The following OR2T6 variants were observed in gnomAD, a reference collection of about 807,000 sequenced individuals.
OR2T6 encodes the protein olfactory receptor 2T6.
For synonymous variants in OR2T6, 174 were observed against 148.0 expected (o/e 1.18, Z -1.27); for missense variants, 424 against 391.6 (o/e 1.08, Z -0.70).
chr1:248,388,370 T>C lies in OR2T6; in HGVS notation c.762T>C (p.Ala254=), dbSNP rs1489627912. ...TGGTGGTGACATTGTTCTATGGGGC[T>C]GCCTTGTATACGTATACGCTTCCCC... ...HMMVVTLFYG[A]ALYTYTLPQS... The change falls in exon 3 of 3, where the codon GCT becomes GCC. Residue 254 remains alanine (A), a synonymous_variant. Coordinates refer to ENST00000641644, the MANE Select transcript of OR2T6 (RefSeq NM_001005471.2). 2.4e-5 allele frequency: 38 copies of C among 1,613,508 alleles called. No individual in the cohort carries two copies. The highest frequency in any genetic ancestry group is 5.0e-5 in the Admixed American group (3 of 59,986).
In OR2T6 at chr1:248,387,596, C is replaced by G. The variant is rs1661155827; in HGVS notation, c.-4-9C>G. On this transcript the variant is annotated splice_polypyrimidine_tract_variant and intron_variant, in intron 2 of 2. Transcript: ENST00000641644. The stretch of plus-strand genomic sequence containing the variant: ...TGCTTCTCTTCTTATGCCTCCATTT[C>G]AAACTCAGTACCATGAATGAAAACA... The G allele has an allele frequency of 1.3e-6, 2 of 1,522,942 alleles. No individual in the cohort carries two copies. The highest frequency in any genetic ancestry group is 1.8e-6 in the Non-Finnish European group (2 of 1,123,300). 94.3% of individuals were successfully genotyped at this position (1,522,942 alleles called of 1,614,324 possible). A position where few individuals can be genotyped will look rare whatever the true frequency, so the allele number is the denominator to read the frequency against.
Position 248,387,972 on chromosome 1 carries a change from C to T in OR2T6, c.364C>T (p.Arg122Cys), listed in dbSNP as rs199789023. The stretch of plus-strand genomic sequence containing the variant: ...CCTGCTGGGGCTCATGGCCTATGAC[C>T]GCTACGTGGCCATCTGCAACCCACT... ...FFLLGLMAYD[R>C]YVAICNPLRY... is the part of the protein sequence containing the mutation. The change falls in exon 3 of 3, where the codon CGC becomes TGC. Residue 122 changes from arginine (R) to cysteine (C), a missense_variant. Transcript: ENST00000641644. 169 of 1,608,778 alleles carry T rather than the reference C, an allele frequency of 1.1e-4. 2 individuals are homozygous for T. Among genetic ancestry groups the T allele is most frequent in the South Asian group, 5.8e-4 (52 of 89,918 alleles).
chr1:248,388,884 T>C lies in OR2T6; in HGVS notation c.*349T>C, dbSNP rs1047533516. 3.4e-5 allele frequency: 9 copies of C among 266,548 alleles called. No homozygotes were observed. Among genetic ancestry groups the C allele is most frequent in the Non-Finnish European group, 6.4e-5 (9 of 141,490 alleles). The allele number at this position is 266,548 out of a possible 1,614,324, so 16.5% of individuals were successfully genotyped here. A position where few individuals can be genotyped will look rare whatever the true frequency, so the allele number is the denominator to read the frequency against. ...ACATATTCTGCCCATTTTCAATGGC[T>C]CCATAAGAACTGGTGATTTTGACTA... On this transcript the variant is annotated 3_prime_UTR_variant, in exon 3 of 3. Transcript: ENST00000641644.
Position 248,388,087 on chromosome 1 carries a change from C to G in OR2T6, c.479C>G (p.Thr160Ser). Residue 160 changes from threonine (T) to serine (S), a missense_variant, in exon 3 of 3, where the codon ACC (threonine) becomes AGC (serine). Transcript: ENST00000641644. Reference sequence around the variant, plus strand: ...GGGGCTTTGGACAGTTTTCTCCTCACCCCCATTACCATGAGTCTCCCGTTC... The same window carrying G: ...GGGGCTTTGGACAGTTTTCTCCTCAGCCCCATTACCATGAGTCTCCCGTTC... ...FGGALDSFLL[T>S]PITMSLPFCA... 6.2e-7 allele frequency: 1 copy of G among 1,614,028 alleles called. No homozygotes were observed. Among genetic ancestry groups the G allele is most frequent in the Non-Finnish European group, 8.5e-7 (1 of 1,180,010 alleles).
At chr1:248,378,376 T>C (rs1408493553) in intron 1 of OR2T6, among the ~76,000 whole-genome samples, 1 of 152,188 alleles carries the variant, frequency 6.6e-6, no homozygotes, top group African/African-American at 2.4e-5. Context: ...TAAAGAAATG[T>C]ATTTATTTCT....
chr1:248,378,738 T>G (rs1420735016), intron 1 of OR2T6, among the ~76,000 whole-genome samples: 2 of 152,248 alleles, frequency 1.3e-5, no homozygotes, highest in Non-Finnish European at 2.9e-5. Flanking sequence ...CAGATCAAAT[T>G]TATAATCATT....
At chr1:248,382,732 C>A (rs547266839) in intron 1 of OR2T6, among the ~76,000 whole-genome samples, 93 of 152,126 alleles carry the variant, frequency 6.1e-4, no homozygotes, top group African/African-American at 2.2e-3. Context: ...CCATGTTGGC[C>A]AGGCTGGTCT....
rs773197375 is a variant in OR2T6, at chr1:248,382,532, C to CT, written c.-158-2176dup. Reference sequence around the variant, plus strand: ...CAATACTCCATGTCTACCTTTCTTTCTTTCTTTTTTTTTTTTTTTAGATGG... The same window carrying CT: ...CAATACTCCATGTCTACCTTTCTTTCTTTTCTTTTTTTTTTTTTTTAGATGG... On this transcript the variant is annotated intron_variant, in intron 1 of 2. Transcript: ENST00000641644. 1.4e-4 allele frequency among the ~76,000 whole-genome samples: 16 copies of CT among 117,290 alleles called. 3 individuals are homozygous for CT. The highest frequency in any genetic ancestry group is 4.8e-4 in the East Asian group (2 of 4,194). 76.9% of individuals were successfully genotyped at this position (117,290 alleles called of 152,430 possible).
intron 1 of OR2T6, among the ~76,000 whole-genome samples, chr1:248,379,074 C>T (rs975158398): frequency 2.6e-5 from 4 of 152,092 alleles, no homozygotes; most frequent in African/African-American, 9.7e-5. Context: ...ACGCAGGAGG[C>T]TGAGGTAGGA....
chr1:248,387,999 C>A lies in OR2T6; in HGVS notation c.391C>A (p.Arg131Ser). Reference protein sequence around the residue: ...DRYVAICNPLRYPVLISWRVC... With the variant: ...DRYVAICNPLSYPVLISWRVC... ...CTACGTGGCCATCTGCAACCCACTG[C>A]GCTATCCTGTCCTCATCAGCTGGCG... The change falls in exon 3 of 3, where the codon CGC becomes AGC. Residue 131 changes from arginine (R) to serine (S), a missense_variant. By Grantham distance (110) the Arg-to-Ser change is moderately radical (BLOSUM62 -1). Coordinates refer to ENST00000641644, the MANE Select transcript of OR2T6 (RefSeq NM_001005471.2). 6.2e-7 allele frequency: 1 copy of A among 1,612,070 alleles called. No homozygotes were observed.
chr1:248,378,324 C>A (rs191904517), intron 1 of OR2T6, among the ~76,000 whole-genome samples: 180 of 152,248 alleles, frequency 1.2e-3, no homozygotes, highest in African/African-American at 4.1e-3. Flanking sequence ...AAACAACATA[C>A]CTTTTCATTA....
intron 1 of OR2T6, among the ~76,000 whole-genome samples, chr1:248,381,438 A>G (rs1317309028): frequency 2.6e-5 from 4 of 152,122 alleles, no homozygotes; most frequent in Non-Finnish European, 5.9e-5. Flanking sequence ...GCTCCTAGAA[A>G]AATGTCTAGT....
At chr1:248,378,333 TAA>T (rs1660972778) in intron 1 of OR2T6, among the ~76,000 whole-genome samples, 1 of 152,200 alleles carries the variant, frequency 6.6e-6, no homozygotes, top group Non-Finnish European at 1.5e-5. Flanking sequence ...ACCTTTTCAT[TAA>T]AGAGACTCAA....
rs777182519 is a variant in OR2T6, at chr1:248,388,361, C to T, written c.753C>T (p.Phe251=). 6.2e-7 allele frequency: 1 copy of T among 1,613,474 alleles called. No homozygotes were observed. The highest frequency in any genetic ancestry group is 8.5e-7 in the Non-Finnish European group (1 of 1,179,626). The change falls in exon 3 of 3, where the codon TTC becomes TTT. Residue 251 remains phenylalanine, a synonymous_variant. Coordinates refer to ENST00000641644, the MANE Select transcript of OR2T6 (RefSeq NM_001005471.2). ...CACACATGATGGTGGTGACATTGTT[C>T]TATGGGGCTGCCTTGTATACGTATA... ...CSSHMMVVTL[F]YGAALYTYTL...
intron 1 of OR2T6, among the ~76,000 whole-genome samples, chr1:248,377,865 T>C (rs1385441747): frequency 6.6e-6 from 1 of 152,208 alleles, no homozygotes; most frequent in Non-Finnish European, 1.5e-5. Flanking sequence ...CCAGGCTGAC[T>C]ACACGTGATT....
chr1:248,386,370 C>T (rs569760238), intron 2 of OR2T6, among the ~76,000 whole-genome samples: 14 of 152,094 alleles, frequency 9.2e-5, no homozygotes, highest in South Asian at 2.1e-4. Context: ...CCAAGGCTTA[C>T]GACTGACCAA....
At chr1:248,386,158 T>G (rs1572870030) in intron 2 of OR2T6, among the ~76,000 whole-genome samples, 1 of 152,158 alleles carries the variant, frequency 6.6e-6, no homozygotes, top group Non-Finnish European at 1.5e-5. Context: ...AACACCTGAG[T>G]GCACACAGAA....
intron 2 of OR2T6, among the ~76,000 whole-genome samples, chr1:248,387,325 G>C (rs1354242847): frequency 2.0e-5 from 3 of 152,138 alleles, no homozygotes; most frequent in African/African-American, 7.2e-5. Flanking sequence ...CTAGGGCCCA[G>C]ATTTTCTTCA....
intron 1 of OR2T6, among the ~76,000 whole-genome samples, chr1:248,382,831 A>G (rs1424645049): frequency 6.6e-6 from 1 of 152,110 alleles, no homozygotes; most frequent in East Asian, 1.9e-4. Context: ...GCCCATGTCT[A>G]TCTTTCTTAC....
Sources: gnomAD v4.1 joint callset for allele counts (sites outside exome capture counted in the v4.1 genomes callset) on GRCh38, gnomAD v4.1.1 for gene constraint, MANE v1.5 for transcripts, NCBI Gene and HGNC (gene_info 2026-07-23, HGNC 2026-07-21) for gene names.